Variants in NHS observed in about 807,000 individuals in gnomAD.
NHS encodes NHS actin remodeling regulator, also known as actin remodeling regulator NHS.
Under a neutral mutation model 72.5 loss-of-function variants are expected in NHS, and 5 were observed. The observed-to-expected ratio is 0.07, with a 90% CI of 0.04 to 0.14. NHS has a LOEUF of 0.14. NHS is among the 10% of genes least tolerant of loss of function. The probability of loss-of-function intolerance (pLI) is 1.00; values close to 1 mark genes in which losing one functional copy is unlikely to be tolerated. For synonymous variants in NHS, 464 were observed against 547.7 expected, an observed-to-expected ratio of 0.85 and a Z score of 2.13; for missense variants, 1,072 against 1,355.7, an observed-to-expected ratio of 0.79 and a Z score of 3.29.
At chrX:17,572,766 C>T (rs1329091927) in intron 1 of NHS, among the ~76,000 whole-genome samples, 4 of 111,248 alleles carry the variant, frequency 3.6e-5, no homozygotes, top group South Asian at 7.5e-4. Flanking sequence ...GCAGTTTCTT[C>T]ATAGCGTCAA....
chrX:17,629,941 A>T (rs913285496), intron 1 of NHS, among the ~76,000 whole-genome samples: 7 of 109,341 alleles, frequency 6.4e-5, no homozygotes, highest in Non-Finnish European at 9.5e-5. Flanking sequence ...CCTATTTGGG[A>T]CTCATCAAGA....
At chrX:17,496,285 G>C (rs766612817) in intron 1 of NHS, among the ~76,000 whole-genome samples, 1 of 110,925 alleles carries the variant, frequency 9.0e-6, no homozygotes, top group African/African-American at 3.3e-5. Flanking sequence ...CTGGAACTAG[G>C]TTTGTGCCAT....
chrX:17,648,973 A>G (rs1037640008), intron 1 of NHS, among the ~76,000 whole-genome samples: 3 of 112,131 alleles, frequency 2.7e-5, no homozygotes, highest in South Asian at 3.7e-4. Context: ...CCTAGTAAAG[A>G]GCCATTTCAT....
chrX:17,683,766 T>C (rs2066142910), intron 1 of NHS, among the ~76,000 whole-genome samples: 1 of 112,044 alleles, frequency 8.9e-6, no homozygotes, highest in African/African-American at 3.3e-5. Context: ...TAGAGCCTTA[T>C]TTCCTGTTGT....
chrX:17,666,277 T>A (rs923729318), intron 1 of NHS, among the ~76,000 whole-genome samples: 1 of 112,281 alleles, frequency 8.9e-6, no homozygotes, highest in African/African-American at 3.2e-5. Flanking sequence ...GGAAATGATT[T>A]AGAATGATGG....
chrX:17,528,544 C>G (rs2065183687), intron 1 of NHS: 1 of 111,926 alleles, frequency 8.9e-6, no homozygotes, highest in South Asian at 3.8e-4. Context: ...ACTCCTGATT[C>G]TGGTTTGCTC....
At chrX:17,438,319 G>A (rs185765012) in intron 1 of NHS, among the ~76,000 whole-genome samples, 2 of 112,375 alleles carry the variant, frequency 1.8e-5, no homozygotes, top group South Asian at 3.7e-4. Flanking sequence ...ATGGCCCCAC[G>A]GCCAGTTAGC....
chrX:17,600,793 G>T (rs2065645781), intron 1 of NHS, among the ~76,000 whole-genome samples: 1 of 110,309 alleles, frequency 9.1e-6, no homozygotes, highest in Non-Finnish European at 1.9e-5. Flanking sequence ...CAGAAAGGTT[G>T]GGTGGGGGAG....
At chrX:17,421,512 G>C (rs954953936) in intron 1 of NHS, among the ~76,000 whole-genome samples, 1 of 111,623 alleles carries the variant, frequency 9.0e-6, no homozygotes, top group Non-Finnish European at 1.9e-5. Context: ...TCTACCTGTT[G>C]AAAACAATGG....
intron 1 of NHS, among the ~76,000 whole-genome samples, chrX:17,390,879 G>A (rs2064441673): frequency 1.8e-5 from 2 of 112,049 alleles, no homozygotes; most frequent in African/African-American, 6.5e-5. Flanking sequence ...GGTAGAAGAC[G>A]ATAATGAGAA....
At chrX:17,608,569 A>G (rs920653151) in intron 1 of NHS, among the ~76,000 whole-genome samples, 2 of 112,166 alleles carry the variant, frequency 1.8e-5, no homozygotes, top group Non-Finnish European at 3.8e-5. Context: ...AGAGAACATT[A>G]AGATATCTTT....
intron 1 of NHS, among the ~76,000 whole-genome samples, chrX:17,453,253 G>T (rs2146890733): frequency 9.0e-6 from 1 of 111,287 alleles, no homozygotes; most frequent in African/African-American, 3.3e-5. Context: ...AGGGGACAAA[G>T]GTTGATCCTA....
At chrX:17,610,127 G>A (rs1021512298) in intron 1 of NHS, among the ~76,000 whole-genome samples, 5 of 111,774 alleles carry the variant, frequency 4.5e-5, no homozygotes, top group Non-Finnish European at 9.4e-5. Context: ...TTACACAATC[G>A]AATAGTCAAT....
At chrX:17,502,414 T>G (rs941020261) in intron 1 of NHS, among the ~76,000 whole-genome samples, 1 of 111,750 alleles carries the variant, frequency 8.9e-6, no homozygotes, top group African/African-American at 3.3e-5. Flanking sequence ...TTAACAAATG[T>G]GCATTTCAGC....
chrX:17,521,071 C>T (rs755501110), intron 1 of NHS, among the ~76,000 whole-genome samples: 5 of 111,720 alleles, frequency 4.5e-5, no homozygotes, highest in Admixed American at 9.4e-5. Context: ...TTCCTTGCTG[C>T]GTTGACTCTC....
At chrX:17,671,317 A>C (rs2066044018) in intron 1 of NHS, among the ~76,000 whole-genome samples, 1 of 112,509 alleles carries the variant, frequency 8.9e-6, no homozygotes, top group South Asian at 3.7e-4. Flanking sequence ...GCAGAAAAGC[A>C]GAGCCCCATT....
chrX:17,682,972 C>A (rs1362527205), intron 1 of NHS, among the ~76,000 whole-genome samples: 2 of 111,561 alleles, frequency 1.8e-5, no homozygotes, highest in East Asian at 5.6e-4. Context: ...CCTAGTCTTT[C>A]CAAGAGAGTG....
At chrX:17,609,092 G>C (rs768632627) in intron 1 of NHS, among the ~76,000 whole-genome samples, 1 of 111,578 alleles carries the variant, frequency 9.0e-6, no homozygotes, top group East Asian at 2.8e-4. Flanking sequence ...TGGATATCGT[G>C]GCTGTGCCAG....
At chrX:17,717,664 T>A (rs2066372304) in intron 3 of NHS, among the ~76,000 whole-genome samples, 1 of 111,985 alleles carries the variant, frequency 8.9e-6, no homozygotes, top group Admixed American at 9.4e-5. Flanking sequence ...GAATCCTTTA[T>A]TCAAGAATTT....
Sources: allele counts gnomAD v4.1 joint callset (sites outside exome capture counted in the v4.1 genomes callset), GRCh38; gene constraint gnomAD v4.1.1; transcripts MANE v1.5; gene names NCBI Gene and HGNC (gene_info 2026-07-23, HGNC 2026-07-21).